The following KLHL5 variants were observed in gnomAD, a reference collection of about 807,000 sequenced individuals.
KLHL5 encodes the protein kelch-like protein 5.
In KLHL5, 48 loss-of-function variants were observed where a neutral mutation model predicts 77.7. The ratio of observed to expected loss-of-function variants is 0.62; its 90% CI spans 0.49 to 0.79. KLHL5 has a LOEUF of 0.79. KLHL5 is among the 30% of genes least tolerant of loss of function. The probability of loss-of-function intolerance (pLI) is 0.00; values close to 1 mark genes in which losing one functional copy is unlikely to be tolerated. For missense variants in KLHL5, 723 were observed against 859.7 expected, an observed-to-expected ratio of 0.84 and a Z score of 1.99; for synonymous variants, 260 against 297.0, an observed-to-expected ratio of 0.88 and a Z score of 1.28.
downstream of KLHL5, among the ~76,000 whole-genome samples, chr4:39,130,246 A>C (rs183617410): frequency 6.6e-6 from 1 of 152,334 alleles, no homozygotes; most frequent in East Asian, 1.9e-4. Context: ...AAATTAACAA[A>C]GTATCCCTTA....
chr4:39,132,561 T>C, the KLHL5 span, among the ~76,000 whole-genome samples: 3 of 150,726 alleles, frequency 2.0e-5, no homozygotes, highest in Non-Finnish European at 4.4e-5. Flanking sequence ...TAAGCCGAGA[T>C]CACCGCACTG....
At chr4:39,093,201 G>A in intron 5 of KLHL5, 2 of 450,962 alleles carry the variant, frequency 4.4e-6, no homozygotes, top group South Asian at 3.1e-5. Flanking sequence ...GATACGAGGA[G>A]CTACAGCAGG....
At chr4:39,105,299 A>G (rs1036034) in intron 7 of KLHL5, among the ~76,000 whole-genome samples, 71,330 of 151,072 alleles carry the variant, frequency 0.47, 17,622 homozygotes, top group Middle Eastern at 0.57. Context: ...GGCATGCACC[A>G]TCACACCTGG....
chr4:39,131,589 C>T (rs944752550), downstream of KLHL5, among the ~76,000 whole-genome samples: 2 of 151,936 alleles, frequency 1.3e-5, no homozygotes, highest in Non-Finnish European at 2.9e-5. Flanking sequence ...ATTAAGAGGA[C>T]AAAAATCTAA....
At position 39,096,743 on chromosome 4, in the gene KLHL5, CAG is replaced by C; in HGVS notation, c.1167_1168del (p.Lys390ThrfsTer26). On this transcript the variant is annotated frameshift_variant, in exon 6 of 11. Coordinates refer to ENST00000504108, the MANE Select transcript of KLHL5 (RefSeq NM_015990.5). LOFTEE classifies it high-confidence loss of function. ...NVLFRDDIECQKLIMEAMKYH... is the reference protein window; with the variant it reads ...NVLFRDDIECXKLIMEAMKYH... ...ACTTTTTCGGGATGATATAGAATGTCAGAAACTCATTATGGAAGCAATGAAGT... is the reference window on the plus strand; with the variant it reads ...ACTTTTTCGGGATGATATAGAATGTCAAACTCATTATGGAAGCAATGAAGT... The C allele has an allele frequency of 1.9e-6, 3 of 1,613,156 alleles. No homozygotes were observed. Among genetic ancestry groups the C allele is most frequent in the Non-Finnish European group, 2.5e-6 (3 of 1,179,238 alleles).
intron 10 of KLHL5, 197 bp downstream of exon 10, chr4:39,115,527 T>C: frequency 6.8e-7 from 1 of 1,476,436 alleles, no homozygotes; most frequent in Non-Finnish European, 8.9e-7. Flanking sequence ...ACCTTTGAGA[T>C]GTAAGTTAAT....
chr4:39,062,397 A>G lies in KLHL5; in HGVS notation c.-256A>G. ...GAAAGTGGTCTAGCTGCTTCAGGATAGGTGGATGAGAGTTTGCTCTGATTG... is the reference window on the plus strand; with the variant it reads ...GAAAGTGGTCTAGCTGCTTCAGGATGGGTGGATGAGAGTTTGCTCTGATTG... On this transcript the variant is annotated 5_prime_UTR_variant, in exon 1 of 11. In the 5' UTR this introduces an upstream ATG that the reference lacks. Transcript: ENST00000504108. The G allele has an allele frequency of 6.8e-7, 1 of 1,462,328 alleles. No homozygotes were observed. The highest frequency in any genetic ancestry group is 1.4e-5 in the South Asian group (1 of 69,144). 90.6% of individuals were successfully genotyped at this position (1,462,328 alleles called of 1,614,324 possible). A position where few individuals can be genotyped will look rare whatever the true frequency, so the allele number is the denominator to read the frequency against.
At chr4:39,086,877 C>T (rs1720087186) in intron 5 of KLHL5, 150 bp downstream of exon 5, 17 of 324,912 alleles carry the variant, frequency 5.2e-5, no homozygotes, top group South Asian at 1.3e-4. Context: ...GATCTGGCTA[C>T]TTAAATTGCT....
At chr4:39,109,187 A>T (rs1722263752) in intron 8 of KLHL5, among the ~76,000 whole-genome samples, 1 of 152,208 alleles carries the variant, frequency 6.6e-6, no homozygotes, top group Admixed American at 6.5e-5. Flanking sequence ...ATCTTTTCTT[A>T]TCATTGCTTT....
intron 5 of KLHL5, among the ~76,000 whole-genome samples, chr4:39,087,455 G>A (rs1466738961): frequency 6.6e-6 from 1 of 152,164 alleles, no homozygotes; most frequent in African/African-American, 2.4e-5. Context: ...TTAAAACTCT[G>A]TGACTTGGCA....
Position 39,055,657 on chromosome 4 carries a change from T to G in KLHL5, c.-94-6902T>G, listed in dbSNP as rs141238468. Among the ~76,000 whole-genome samples, 142 of 152,352 alleles carry G rather than the reference T, an allele frequency of 9.3e-4. 1 individual carries two copies. Among genetic ancestry groups the G allele is most frequent in the African/African-American group, 3.3e-3 (137 of 41,588 alleles). On this transcript the variant is annotated intron_variant, in intron 1 of 11. Transcript: ENST00000261425. ...TTCTTTAGTGGACCATCTACAGGTTTCATCTGAAAAGGGGGCTTTCACTGT... is the reference window on the plus strand; with the variant it reads ...TTCTTTAGTGGACCATCTACAGGTTGCATCTGAAAAGGGGGCTTTCACTGT...
rs562953579 is a variant in KLHL5, at chr4:39,124,174, A to G, written c.*3108A>G. 2.2e-4 allele frequency among the ~76,000 whole-genome samples: 33 copies of G among 152,312 alleles called. No homozygotes were observed. The South Asian group carries it at 6.2e-3, about 29-fold the overall frequency. ...AAGAAATTAAAGAAGACCTAAATAA[A>G]TGGAAGACATCCTGTGCTGGCAGGT... On this transcript the variant is annotated 3_prime_UTR_variant, in exon 11 of 11. Coordinates refer to ENST00000504108, the MANE Select transcript of KLHL5 (RefSeq NM_015990.5).
At chr4:39,130,824 T>G (rs566292645), downstream of KLHL5, among the ~76,000 whole-genome samples, 1 of 152,154 alleles carries the variant, frequency 6.6e-6, no homozygotes, top group Admixed American at 6.5e-5. Context: ...ATTTACATAA[T>G]TATGAGATTA....
chr4:39,115,199 A>G lies in KLHL5; in HGVS notation c.1942A>G (p.Met648Val). 2 of 1,613,598 alleles carry G rather than the reference A, an allele frequency of 1.2e-6. No homozygotes were observed. Among genetic ancestry groups the G allele is most frequent in the Non-Finnish European group, 1.7e-6 (2 of 1,179,812 alleles). The stretch of plus-strand genomic sequence containing the variant: ...AGACATGTGGACTGCAGTAGCATCC[A>G]TGAGCATCAGCAGAGATGCAGTGGG... ...KTDMWTAVASMSISRDAVGVC... is the reference protein window; with the variant it reads ...KTDMWTAVASVSISRDAVGVC... Residue 648 changes from methionine to valine, a missense_variant, in exon 10 of 11, where the codon ATG becomes GTG. By Grantham distance (21) the Met-to-Val change is conservative. Around this residue, in one of 3 missense-constraint regions of KLHL5, gnomAD observed 214 missense variants for 237.4 expected, o/e 0.90. Transcript: ENST00000504108.
At position 39,076,213 on chromosome 4, in the gene KLHL5, G is replaced by A. The variant is rs1389253226; in HGVS notation, c.566+66G>A. On this transcript the variant is annotated intron_variant, in intron 2 of 10. Coordinates refer to ENST00000504108, the MANE Select transcript of KLHL5 (RefSeq NM_015990.5). ...TCGGTAATTTAGATATGTATATTGA[G>A]GTAACCTACTTCAATTGACTATTAT... 1.9e-5 allele frequency: 25 copies of A among 1,350,904 alleles called. 1 individual carries two copies. The highest frequency in any genetic ancestry group is 2.6e-5 in the Non-Finnish European group (25 of 976,230). The allele number at this position is 1,350,904 out of a possible 1,614,324, so 83.7% of individuals were successfully genotyped here. A position where few individuals can be genotyped will look rare whatever the true frequency, so the allele number is the denominator to read the frequency against.
chr4:39,086,748 T>C, intron 5 of KLHL5, 21 bp downstream of exon 5: 1 of 1,561,360 alleles, frequency 6.4e-7, no homozygotes, highest in Non-Finnish European at 8.8e-7. Flanking sequence ...GGCACTTGTT[T>C]ATAGGAATTT....
In KLHL5 at chr4:39,107,662, G is replaced by A. The variant is rs770079405; in HGVS notation, c.1619G>A (p.Arg540His). Residue 540 changes from arginine (R) to histidine (H), a missense_variant, in exon 8 of 11, where the codon CGC becomes CAC. Arg to His is a conservative substitution (Grantham distance 29, BLOSUM62 0). Coordinates refer to ENST00000504108, the MANE Select transcript of KLHL5 (RefSeq NM_015990.5). Reference protein sequence around the residue: ...NTVERWDPQARQWNFVATMST... With the variant: ...NTVERWDPQAHQWNFVATMST... ...GTGGAAAGATGGGACCCTCAGGCTC[G>A]CCAGTGGAATTTTGTTGCCACTATG... 41 of 1,612,366 alleles carry A rather than the reference G, an allele frequency of 2.5e-5. No homozygotes were observed. Among genetic ancestry groups the A allele is most frequent in the Middle Eastern group, 1.6e-4 (1 of 6,076 alleles).
chr4:39,099,394 A>G (rs1177846714), intron 6 of KLHL5, among the ~76,000 whole-genome samples: 1 of 152,180 alleles, frequency 6.6e-6, no homozygotes, highest in African/African-American at 2.4e-5. Flanking sequence ...CTCAATATGC[A>G]TTGATCTCCC....
chr4:39,130,486 A>G (rs1723756824), downstream of KLHL5, among the ~76,000 whole-genome samples: 2 of 152,250 alleles, frequency 1.3e-5, no homozygotes, highest in Admixed American at 1.3e-4. Context: ...AGTGCTGCAG[A>G]GATTTTATTT....
Sources: gnomAD v4.1 joint callset for allele counts (sites outside exome capture counted in the v4.1 genomes callset) on GRCh38, gnomAD v4.1.1 for gene constraint, gnomAD v4.1.1 regional missense constraint, MANE v1.5 for transcripts, NCBI Gene and HGNC (gene_info 2026-07-23, HGNC 2026-07-21) for gene names.